The following MAD1L1 variants were observed in gnomAD, a reference collection of about 807,000 sequenced individuals.
MAD1L1 encodes the protein mitotic spindle assembly checkpoint protein MAD1.
A neutral mutation model predicts 96.9 loss-of-function variants in MAD1L1; 95 were observed. The observed-to-expected ratio is 0.98, with a 90% CI of 0.83 to 1.16. The LOEUF is 1.16. MAD1L1 is among the 50% of genes most tolerant of loss of function. The pLI is 0.00. For synonymous variants in MAD1L1, 473 were observed against 396.6 expected, an observed-to-expected ratio of 1.19 and a Z score of -2.29; for missense variants, 1,007 against 954.4, an observed-to-expected ratio of 1.06 and a Z score of -0.73.
intron 13 of MAD1L1, among the ~76,000 whole-genome samples, chr7:2,009,941 T>C (rs1782216456): frequency 6.6e-6 from 1 of 152,026 alleles, no homozygotes; most frequent in Non-Finnish European, 1.5e-5. Context: ...GTTCTGGGAA[T>C]GGAGCCAGCA....
At chr7:1,886,593 A>T (rs1786046885) in intron 18 of MAD1L1, among the ~76,000 whole-genome samples, 1 of 152,256 alleles carries the variant, frequency 6.6e-6, no homozygotes, top group African/African-American at 2.4e-5. Context: ...GTCTGCAAAC[A>T]GGCGTGTGGG....
rs1562690212 is a variant in MAD1L1 at position 2,103,482 on chromosome 7, C to A, written c.1074-34144G>T. Among the ~76,000 whole-genome samples, 1 of 152,138 alleles carries A rather than the reference C, an allele frequency of 6.6e-6. No individual in the cohort carries two copies. Among genetic ancestry groups the A allele is most frequent in the African/African-American group, 2.4e-5 (1 of 41,422 alleles). The stretch of plus-strand genomic sequence containing the variant: ...ACAGCAGTGCAGCAGATCTCACCCG[C>A]CCCCGAGGCCACTGCACAGCGGCGG... On this transcript the variant is annotated intron_variant, in intron 11 of 18. Coordinates refer to ENST00000265854, the MANE Select transcript of MAD1L1 (RefSeq NM_001013836.2). The surrounding 1 kb of genome is among the most constrained non-coding windows in gnomAD (Gnocchi z 4.3).
At chr7:1,849,066 A>ACATGCACGGACACATG (rs1562454235) in intron 18 of MAD1L1, 2 of 153,920 alleles carry the variant, frequency 1.3e-5, no homozygotes, top group Non-Finnish European at 2.9e-5. Flanking sequence ...ACACACACAC[A>ACATGCACGGACACATG]CACACACAAA....
intron 10 of MAD1L1, among the ~76,000 whole-genome samples, chr7:2,207,579 C>G (rs1792664433): frequency 1.3e-5 from 2 of 152,200 alleles, no homozygotes; most frequent in South Asian, 4.1e-4. Flanking sequence ...GTGGTGTGCC[C>G]AGAGAGGGCA....
chr7:2,173,947 A>G (rs114215414), intron 10 of MAD1L1, among the ~76,000 whole-genome samples: 1,685 of 152,180 alleles, frequency 0.011, 34 homozygotes, highest in African/African-American at 0.038. Context: ...CTAGGACTAC[A>G]AGCAGGCCAG....
At chr7:2,126,066 G>A (rs1179704999) in intron 11 of MAD1L1, among the ~76,000 whole-genome samples, 1 of 152,236 alleles carries the variant, frequency 6.6e-6, no homozygotes, top group African/African-American at 2.4e-5. Flanking sequence ...TGGAGCAGTG[G>A]ACTCGGGGAC....
intron 11 of MAD1L1, among the ~76,000 whole-genome samples, chr7:2,135,883 A>G (rs1788725835): frequency 1.3e-5 from 2 of 152,210 alleles, no homozygotes; most frequent in African/African-American, 4.8e-5. Context: ...TCTTTTCGCC[A>G]TATAACTCAC....
chr7:2,068,220 G>C (rs1188203194), intron 12 of MAD1L1, among the ~76,000 whole-genome samples: 2 of 152,228 alleles, frequency 1.3e-5, no homozygotes, highest in African/African-American at 4.8e-5. Flanking sequence ...AGCTCAGCCT[G>C]TGTTCCGGGT....
intron 10 of MAD1L1, among the ~76,000 whole-genome samples, chr7:2,163,843 C>G (rs1245576883): frequency 6.6e-6 from 1 of 152,120 alleles, no homozygotes; most frequent in African/African-American, 2.4e-5. Context: ...AAGCATCTCC[C>G]TCATCCATGC....
intron 12 of MAD1L1, among the ~76,000 whole-genome samples, chr7:2,015,583 C>G (rs909797398): frequency 1.3e-5 from 2 of 152,252 alleles, no homozygotes; most frequent in African/African-American, 2.4e-5. Context: ...CTCTGGCCTC[C>G]CATTGCCTGC....
intron 16 of MAD1L1, among the ~76,000 whole-genome samples, chr7:1,944,884 C>G (rs1272270538): frequency 2.6e-5 from 4 of 152,340 alleles, no homozygotes; most frequent in South Asian, 4.1e-4. Context: ...GACAAAGACC[C>G]CTGTGAGTCA....
intron 17 of MAD1L1, among the ~76,000 whole-genome samples, chr7:1,907,957 C>A (rs1018638287): frequency 2.4e-4 from 36 of 152,230 alleles, no homozygotes; most frequent in African/African-American, 8.7e-4. Context: ...TGTGCGGCCC[C>A]CTCAGGAGAC....
intron 11 of MAD1L1, among the ~76,000 whole-genome samples, chr7:2,141,597 G>A (rs895426571): frequency 3.3e-5 from 5 of 152,170 alleles, no homozygotes; most frequent in South Asian, 4.1e-4. Flanking sequence ...ACAGACGCCC[G>A]CTCACCCAGA....
intron 10 of MAD1L1, among the ~76,000 whole-genome samples, chr7:2,199,445 C>T (rs1558460): frequency 0.22 from 32,841 of 152,260 alleles, 4,459 homozygotes; most frequent in Middle Eastern, 0.3. Flanking sequence ...CAGCCTGGTG[C>T]GCCACCCCCA....
At chr7:2,144,818 AT>A (rs1345619903) in intron 11 of MAD1L1, among the ~76,000 whole-genome samples, 3 of 152,120 alleles carry the variant, frequency 2.0e-5, no homozygotes, top group African/African-American at 4.8e-5. Flanking sequence ...CCATTCTCAG[AT>A]TCTAAGAGCC....
rs1786061355 is a variant in MAD1L1 at position 2,088,840 on chromosome 7, C to T, written c.1074-19502G>A. On this transcript the variant is annotated intron_variant, in intron 11 of 18. Coordinates refer to ENST00000265854, the MANE Select transcript of MAD1L1 (RefSeq NM_001013836.2). This position sits in a 1 kb window ranked among gnomAD's most constrained non-coding sequence, Gnocchi z 4.4. ...GGTCCACAGAGGAGTTGTGAAGGTT[C>T]ACACAGGGCTGGTGCTCACCCTCTG... 1 of 152,332 alleles carries T rather than the reference C, an allele frequency of 6.6e-6. No homozygotes were observed. Among genetic ancestry groups the T allele is most frequent in the Admixed American group, 6.5e-5 (1 of 15,294 alleles). 9.4% of individuals were successfully genotyped at this position (152,332 alleles called of 1,614,324 possible).
At chr7:1,932,455 A>T (rs1789535806) in intron 17 of MAD1L1, among the ~76,000 whole-genome samples, 1 of 152,140 alleles carries the variant, frequency 6.6e-6, no homozygotes, top group African/African-American at 2.4e-5. Flanking sequence ...AAGGCCTTGA[A>T]CCCTGCAGAT....
chr7:1,854,397 G>A (rs1583564432), intron 18 of MAD1L1: 1 of 464,288 alleles, frequency 2.2e-6, no homozygotes, highest in Non-Finnish European at 4.3e-6. Flanking sequence ...CTCGGCCGCT[G>A]CAGACTAGGT....
At chr7:2,065,203 C>G (rs1784827932) in intron 12 of MAD1L1, among the ~76,000 whole-genome samples, 1 of 152,216 alleles carries the variant, frequency 6.6e-6, no homozygotes, top group Non-Finnish European at 1.5e-5. Flanking sequence ...TAAACAGCAG[C>G]AGCCCCCGCC....
Sources: gnomAD v4.1 joint callset for allele counts (sites outside exome capture counted in the v4.1 genomes callset) on GRCh38, gnomAD v4.1.1 for gene constraint, Gnocchi (gnomAD v3.1) non-coding constraint, MANE v1.5 for transcripts, NCBI Gene and HGNC (gene_info 2026-07-23, HGNC 2026-07-21) for gene names.